Variants in DTNA observed in about 807,000 individuals in gnomAD.
DTNA encodes the protein dystrobrevin alpha.
A neutral mutation model predicts 100.7 loss-of-function variants in DTNA; 43 were observed. The observed-to-expected ratio is 0.43, with a 90% CI of 0.33 to 0.55. The LOEUF (loss-of-function observed/expected upper bound fraction) is 0.55. Among genes scored for constraint, DTNA ranks in the 20% least tolerant of loss-of-function variants. DTNA has a pLI of 0.04. For synonymous variants in DTNA, 349 were observed against 347.9 expected (o/e 1.00, Z -0.04); for missense variants, 798 against 953.9 (o/e 0.84, Z 2.15).
chr18:34,632,334 G>A (rs1383149954), intron 1 of DTNA, among the ~76,000 whole-genome samples: 1 of 152,156 alleles, frequency 6.6e-6, no homozygotes, highest in African/African-American at 2.4e-5. Context: ...TTAAGGGGAG[G>A]ATCATTTAGC....
intron 1 of DTNA, among the ~76,000 whole-genome samples, chr18:34,614,994 T>C (rs557673720): frequency 3.3e-5 from 5 of 152,340 alleles, no homozygotes; most frequent in African/African-American, 1.2e-4. Flanking sequence ...AACATCATTG[T>C]TTCCTTATGT....
chr18:34,858,294 A>G lies in DTNA; in HGVS notation c.1542A>G (p.Leu514=), dbSNP rs1231461797. The G allele has an allele frequency of 6.2e-7, 1 of 1,614,104 alleles. No homozygotes were observed. ...CCTCCTCTCTCCCAAGAGAAATCTT[A>G]CAGGAGATCCAGAGACTTCGGCTAG... ...AELENKNREI[L]QEIQRLRLEH... is the part of the protein sequence containing the mutation. The change falls in exon 16 of 23, where the codon TTA becomes TTG. Residue 514 remains leucine (L), a synonymous_variant. Coordinates refer to ENST00000444659, the MANE Select transcript of DTNA (RefSeq NM_001386795.1).
intron 1 of DTNA, among the ~76,000 whole-genome samples, chr18:34,655,833 C>T (rs764396351): frequency 6.6e-6 from 1 of 152,156 alleles, no homozygotes; most frequent in Non-Finnish European, 1.5e-5. Context: ...AGACTCATAA[C>T]GTTGCTATGG....
intron 1 of DTNA, among the ~76,000 whole-genome samples, chr18:34,700,829 C>G (rs1367240419): frequency 2.0e-5 from 3 of 152,226 alleles, no homozygotes; most frequent in African/African-American, 7.2e-5. Context: ...GAGCTACCAA[C>G]CTTGCTTCTT....
chr18:34,585,211 C>G (rs1567955100), intron 1 of DTNA, among the ~76,000 whole-genome samples: 1 of 151,910 alleles, frequency 6.6e-6, no homozygotes. Context: ...CCTAGGATGA[C>G]AGCTCAGTAG....
intron 3 of DTNA, among the ~76,000 whole-genome samples, chr18:34,776,135 C>T (rs949643186): frequency 6.6e-6 from 1 of 152,110 alleles, no homozygotes; most frequent in African/African-American, 2.4e-5. Flanking sequence ...TGAAGTTCAG[C>T]GCTATTTACC....
chr18:34,888,380 C>A lies in DTNA; in HGVS notation c.*646C>A. On this transcript the variant is annotated 3_prime_UTR_variant, in exon 23 of 23. Coordinates refer to ENST00000444659, the MANE Select transcript of DTNA (RefSeq NM_001386795.1). ...CCCGGAAGCCAAGAAGGGTCCTTGG[C>A]CTGCACGGTCTGTAGTTGACTCCAA... is the stretch of plus-strand genomic sequence containing the variant. 1.0e-6 allele frequency: 1 copy of A among 985,770 alleles called. No individual in the cohort carries two copies. Among genetic ancestry groups the A allele is most frequent in the Non-Finnish European group, 1.2e-6 (1 of 829,916 alleles). The allele number at this position is 985,770 out of a possible 1,614,324, so 61.1% of individuals were successfully genotyped here. A position where few individuals can be genotyped will look rare whatever the true frequency, so the allele number is the denominator to read the frequency against.
At chr18:34,849,851 T>C (rs891490509) in intron 14 of DTNA, among the ~76,000 whole-genome samples, 1 of 152,198 alleles carries the variant, frequency 6.6e-6, no homozygotes, top group African/African-American at 2.4e-5. Flanking sequence ...ACCCCTACCC[T>C]GGCCCACCTC....
chr18:34,567,249 G>A (rs893846234), intron 1 of DTNA, among the ~76,000 whole-genome samples: 1 of 152,076 alleles, frequency 6.6e-6, no homozygotes, highest in East Asian at 1.9e-4. Context: ...CAATCAATAA[G>A]CTTTTAATCC....
intron 3 of DTNA, among the ~76,000 whole-genome samples, chr18:34,790,347 T>A (rs2094670427): frequency 1.4e-5 from 2 of 147,874 alleles, no homozygotes; most frequent in South Asian, 2.1e-4. Flanking sequence ...ATGCAAGGGG[T>A]ATAAAACCCG....
At chr18:34,823,550 C>A (rs2149483579) in intron 9 of DTNA, among the ~76,000 whole-genome samples, 1 of 152,284 alleles carries the variant, frequency 6.6e-6, no homozygotes. Context: ...TGTCATAGTG[C>A]AGAAATGTGT....
chr18:34,587,103 G>A (rs1008438102), intron 1 of DTNA, among the ~76,000 whole-genome samples: 7 of 151,698 alleles, frequency 4.6e-5, no homozygotes, highest in Admixed American at 4.6e-4. Flanking sequence ...GGGAGGGTCC[G>A]AGCTACTTGC....
At chr18:34,845,068 G>C (rs1379812843) in intron 13 of DTNA, among the ~76,000 whole-genome samples, 1 of 152,196 alleles carries the variant, frequency 6.6e-6, no homozygotes, top group Non-Finnish European at 1.5e-5. Context: ...GCTAGGGCTG[G>C]AGAAAGTGTT....
intron 1 of DTNA, among the ~76,000 whole-genome samples, chr18:34,749,888 G>A (rs2092137085): frequency 6.6e-6 from 1 of 151,996 alleles, no homozygotes; most frequent in Non-Finnish European, 1.5e-5. Flanking sequence ...CCAAAGATTA[G>A]GACTAGAATG....
rs145457313 is a variant in DTNA at position 34,527,536 on chromosome 18, G to GT, written c.-2+34023dup. Among the ~76,000 whole-genome samples, 530 of 152,150 alleles carry GT rather than the reference G, an allele frequency of 3.5e-3. 4 individuals are homozygous for GT. The highest frequency in any genetic ancestry group is 0.012 in the African/African-American group (510 of 41,546). On this transcript the variant is annotated intron_variant, in intron 1 of 19. Transcript: ENST00000283365. ...CTACAGAGAAGGTGAAATTGTTTAA[G>GT]TGGCAAAACAAATCTGTATTTAGAG...
At chr18:34,786,749 G>A (rs1317094420) in intron 3 of DTNA, among the ~76,000 whole-genome samples, 2 of 152,146 alleles carry the variant, frequency 1.3e-5, no homozygotes, top group East Asian at 3.8e-4. Context: ...CCTAATTAAA[G>A]CACATCATAA....
chr18:34,859,846 G>A (rs112715780), intron 16 of DTNA, among the ~76,000 whole-genome samples: 112 of 152,222 alleles, frequency 7.4e-4, no homozygotes, highest in African/African-American at 2.6e-3. Context: ...CTACTCCCAC[G>A]CTGCAAAATG....
At chr18:34,866,119 A>T in intron 17 of DTNA, 4 of 1,614,152 alleles carry the variant, frequency 2.5e-6, no homozygotes, top group Non-Finnish European at 2.5e-6. Context: ...AGGAAGAAGA[A>T]CTGAAGCAGG....
chr18:34,557,095 C>G (rs1489276739), intron 1 of DTNA, among the ~76,000 whole-genome samples: 3 of 150,856 alleles, frequency 2.0e-5, no homozygotes, highest in East Asian at 1.9e-4. Context: ...CTAAACTTCC[C>G]TTCTCGCTTC....
Sources: gnomAD v4.1 joint callset for allele counts (sites outside exome capture counted in the v4.1 genomes callset) on GRCh38, gnomAD v4.1.1 for gene constraint, MANE v1.5 for transcripts, NCBI Gene and HGNC (gene_info 2026-07-23, HGNC 2026-07-21) for gene names.